Variants in DPP10 observed in about 807,000 individuals in gnomAD.
DPP10 encodes the protein inactive dipeptidyl peptidase 10.
DPP10 carries 33 observed loss-of-function variants against 120.9 expected under a neutral mutation model. The ratio of observed to expected loss-of-function variants is 0.27; its 90% CI spans 0.21 to 0.37. The LOEUF (loss-of-function observed/expected upper bound fraction) is 0.37, where lower values mean the gene tolerates loss of function less well. Among genes scored for constraint, DPP10 ranks in the 10% least tolerant of loss-of-function variants. The pLI, the probability that DPP10 is intolerant of heterozygous loss-of-function variation, is 1.00. For missense variants in DPP10, 816 were observed against 942.8 expected, an observed-to-expected ratio of 0.87 and a Z score of 1.76; for synonymous variants, 337 against 326.1, an observed-to-expected ratio of 1.03 and a Z score of -0.36.
At chr2:115,268,982 A>G (rs994036287) in intron 1 of DPP10, among the ~76,000 whole-genome samples, 1 of 152,120 alleles carries the variant, frequency 6.6e-6, no homozygotes, top group African/African-American at 2.4e-5. Context: ...ACCTGTCTCT[A>G]CTAAAAATAC....
intron 1 of DPP10, chr2:115,143,906 C>G (rs552136100): frequency 4.1e-5 from 6 of 145,422 alleles, no homozygotes; most frequent in African/African-American, 1.5e-4. Flanking sequence ...TTTATGTCAT[C>G]TCAGAAGAAT....
intron 19 of DPP10, among the ~76,000 whole-genome samples, chr2:115,807,023 G>GT (rs1686060669): frequency 1.3e-5 from 2 of 152,066 alleles, no homozygotes; most frequent in Non-Finnish European, 2.9e-5. Context: ...AATAATTTAG[G>GT]TATGACCCTT....
chr2:115,809,026 A>G (rs1037824032), intron 19 of DPP10, among the ~76,000 whole-genome samples: 7 of 152,194 alleles, frequency 4.6e-5, no homozygotes, highest in African/African-American at 1.7e-4. Context: ...GAATTTGAAG[A>G]TTATCTTAAC....
intron 1 of DPP10, among the ~76,000 whole-genome samples, chr2:114,542,798 C>T (rs1558863889): frequency 6.6e-6 from 1 of 152,176 alleles, no homozygotes. Flanking sequence ...CTCATTATTG[C>T]ACTATGCCTC....
At chr2:115,267,614 C>G (rs373750914) in intron 1 of DPP10, among the ~76,000 whole-genome samples, 1 of 152,062 alleles carries the variant, frequency 6.6e-6, no homozygotes, top group African/African-American at 2.4e-5. Context: ...CTTTATTTCA[C>G]TCTCTTCCTT....
chr2:115,481,430 A>C (rs2075419604), intron 3 of DPP10, among the ~76,000 whole-genome samples: 2 of 152,182 alleles, frequency 1.3e-5, no homozygotes, highest in Non-Finnish European at 2.9e-5. Flanking sequence ...CAGTATAAGC[A>C]TCGTTCATTC....
intron 1 of DPP10, among the ~76,000 whole-genome samples, chr2:114,483,350 T>A (rs1295024240): frequency 6.6e-6 from 1 of 152,138 alleles, no homozygotes; most frequent in Non-Finnish European, 1.5e-5. Flanking sequence ...GTTTTCTTCC[T>A]CTACCATGTA....
chr2:115,262,294 A>G (rs973337418), intron 1 of DPP10, among the ~76,000 whole-genome samples: 1 of 151,944 alleles, frequency 6.6e-6, no homozygotes, highest in East Asian at 1.9e-4. Flanking sequence ...AGTAGCTCCC[A>G]TTTTTTAAAG....
In DPP10 at chr2:115,215,829, C is replaced by G. The variant is rs530264497; in HGVS notation, c.61-93410C>G. On this transcript the variant is annotated intron_variant, in intron 1 of 25. Transcript: ENST00000410059. ...GGGTATCTACCCCCACAGAACTAAT[C>G]ATGGTATCAAAAACACCTCCATTCA... 3.3e-5 allele frequency among the ~76,000 whole-genome samples: 5 copies of G among 152,318 alleles called. No individual in the cohort carries two copies. The South Asian group carries it at 1.0e-3, about 32-fold the overall frequency.
At chr2:115,781,125 T>C (rs747584123) in intron 16 of DPP10, 130 bp downstream of exon 16, 10 of 648,590 alleles carry the variant, frequency 1.5e-5, no homozygotes, top group Non-Finnish European at 2.4e-5. Flanking sequence ...TAATAGGATA[T>C]ACATTATATA....
chr2:114,828,251 G>T (rs1022954409), intron 1 of DPP10, among the ~76,000 whole-genome samples: 1 of 152,140 alleles, frequency 6.6e-6, no homozygotes, highest in African/African-American at 2.4e-5. Context: ...CTGATAATGG[G>T]TAGATGTTCT....
At chr2:115,421,332 A>G (rs2069935130) in intron 3 of DPP10, among the ~76,000 whole-genome samples, 1 of 152,162 alleles carries the variant, frequency 6.6e-6, no homozygotes, top group Admixed American at 6.6e-5. Context: ...CTGTGGAACT[A>G]TGAATGGAAA....
At chr2:114,648,665 A>C (rs1382164582) in intron 1 of DPP10, among the ~76,000 whole-genome samples, 1 of 152,214 alleles carries the variant, frequency 6.6e-6, no homozygotes, top group East Asian at 1.9e-4. Flanking sequence ...GTTGTATCTA[A>C]ATTCAGGGTG....
At chr2:115,586,871 A>G (rs191777245) in intron 5 of DPP10, among the ~76,000 whole-genome samples, 2 of 152,014 alleles carry the variant, frequency 1.3e-5, no homozygotes, top group Admixed American at 1.3e-4. Context: ...TTCATTTTTT[A>G]TTTTAAAATT....
intron 1 of DPP10, among the ~76,000 whole-genome samples, chr2:114,837,712 A>T (rs1297211165): frequency 6.6e-6 from 1 of 152,174 alleles, no homozygotes; most frequent in African/African-American, 2.4e-5. Context: ...ATGGCAATTG[A>T]TATTTATTTC....
intron 1 of DPP10, among the ~76,000 whole-genome samples, chr2:115,129,296 T>C (rs1244449035): frequency 2.6e-5 from 4 of 152,206 alleles, no homozygotes; most frequent in Non-Finnish European, 4.4e-5. Flanking sequence ...TGCATTCCAA[T>C]ATTTATTCAA....
intron 1 of DPP10, among the ~76,000 whole-genome samples, chr2:114,826,480 A>C (rs1043783551): frequency 1.3e-5 from 2 of 152,186 alleles, no homozygotes; most frequent in Non-Finnish European, 2.9e-5. Flanking sequence ...TATTTATCAA[A>C]ATTTCATGTG....
chr2:114,788,566 C>T (rs981303267), intron 1 of DPP10, among the ~76,000 whole-genome samples: 10 of 152,078 alleles, frequency 6.6e-5, no homozygotes, highest in African/African-American at 2.2e-4. Flanking sequence ...CAGGCGCCCA[C>T]CACCACGCCC....
intron 5 of DPP10, among the ~76,000 whole-genome samples, chr2:115,540,826 C>CT (rs2079130645): frequency 6.6e-6 from 1 of 151,762 alleles, no homozygotes; most frequent in African/African-American, 2.4e-5. Context: ...TAGAAGAGCA[C>CT]TTTTTTGCAG....
Sources: gnomAD v4.1 joint callset for allele counts (sites outside exome capture counted in the v4.1 genomes callset) on GRCh38, gnomAD v4.1.1 for gene constraint, MANE v1.5 for transcripts, NCBI Gene and HGNC (gene_info 2026-07-23, HGNC 2026-07-21) for gene names.